The following PRTN3 variants were observed in gnomAD, a reference collection of about 807,000 sequenced individuals.
PRTN3 encodes the protein myeloblastin.
PRTN3 carries 22 observed loss-of-function variants against 20.7 expected under a neutral mutation model. The observed-to-expected ratio is 1.06, with a 90% CI of 0.76 to 1.52. PRTN3 has a LOEUF of 1.52. Ranked by LOEUF, PRTN3 falls within the 40% of genes most tolerant of loss-of-function variation. The pLI is 0.00. For synonymous variants in PRTN3, 173 were observed against 152.9 expected (o/e 1.13, Z -0.97); for missense variants, 378 against 359.6 (o/e 1.05, Z -0.41).
chr19:841,182 C>G, intron 1 of PRTN3, 113 bp downstream of exon 1: 1 of 1,378,576 alleles, frequency 7.3e-7, no homozygotes, highest in Non-Finnish European at 9.9e-7. Flanking sequence ...GAAACTGAGG[C>G]AGGGTCAGGG....
At chr19:843,789 C>A (rs1599282638) in intron 2 of PRTN3, 104 bp from the exon 3 acceptor site, 5 of 1,456,358 alleles carry the variant, frequency 3.4e-6, no homozygotes, top group Non-Finnish European at 4.5e-6. Context: ...GGGGCAGGGT[C>A]GCCGAGGGAG....
intron 4 of PRTN3, 34 bp downstream of exon 4, chr19:846,411 C>A: frequency 6.5e-7 from 1 of 1,539,556 alleles, no homozygotes; most frequent in Non-Finnish European, 8.8e-7. Context: ...GGGCACCGGG[C>A]TGCCATGAGG....
Position 841,021 on chromosome 19 carries a change from C to A in PRTN3, c.13C>A (p.Pro5Thr), listed in dbSNP as rs756575895. 8 of 1,608,494 alleles carry A rather than the reference C, an allele frequency of 5.0e-6. No homozygotes were observed. The highest frequency in any genetic ancestry group is 5.9e-6 in the Non-Finnish European group (7 of 1,179,540). Residue 5 changes from proline to threonine, a missense_variant, in exon 1 of 5, where the codon CCC (proline) becomes ACC (threonine). By Grantham distance (38) the Pro-to-Thr change is conservative (BLOSUM62 -1). Transcript: ENST00000234347. MAHRPPSPALASVLL... is the reference protein window; with the variant it reads MAHRTPSPALASVLL... The stretch of plus-strand genomic sequence containing the variant: ...CCTGGACCCCACCATGGCTCACCGG[C>A]CCCCCAGCCCTGCCCTGGCGTCCGT...
rs1194738515 is a variant in PRTN3, at chr19:843,606, C to T, written c.207C>T (p.Ala69=). 1.9e-6 allele frequency: 3 copies of T among 1,594,866 alleles called. No individual in the cohort carries two copies. Among genetic ancestry groups the T allele is most frequent in the Non-Finnish European group, 2.6e-6 (3 of 1,175,640 alleles). Residue 69 remains alanine (A), a synonymous_variant, in exon 2 of 5, where the codon GCC becomes GCT. Coordinates refer to ENST00000234347, the MANE Select transcript of PRTN3 (RefSeq NM_002777.4). ...TLIHPSFVLT[A]AHCLRDIPQR... ...TCCACCCCAGCTTCGTGCTGACGGC[C>T]GCGCACTGCCTGCGGGACATGTGAG...
intron 1 of PRTN3, 44 bp downstream of exon 1, chr19:841,113 T>G (rs781136914): frequency 6.3e-7 from 1 of 1,591,224 alleles, no homozygotes; most frequent in Non-Finnish European, 8.5e-7. Context: ...CAGGCCCCGG[T>G]GGATTGTGGG....
chr19:841,132 C>T, intron 1 of PRTN3, 63 bp downstream of exon 1: 1 of 1,566,994 alleles, frequency 6.4e-7, no homozygotes, highest in Non-Finnish European at 8.6e-7. Flanking sequence ...GGGAAATATC[C>T]ACCACGAGGT....
At chr19:843,291 GT>G in intron 1 of PRTN3, 169 bp from the exon 2 acceptor site, 1 of 649,962 alleles carries the variant, frequency 1.5e-6, no homozygotes, top group Non-Finnish European at 2.5e-6. Flanking sequence ...GGAAATCGTC[GT>G]AATTATAACC....
At chr19:847,488 GAT>G (rs937693198) in intron 4 of PRTN3, among the ~76,000 whole-genome samples, 4 of 143,710 alleles carry the variant, frequency 2.8e-5, no homozygotes, top group African/African-American at 1.0e-4. Flanking sequence ...GAAAGAAAGA[GAT>G]AGAGAGAGAA....
chr19:843,477 G>A lies in PRTN3; in HGVS notation c.78G>A (p.Ala26=), dbSNP rs1223415681. 7 of 1,574,270 alleles carry A rather than the reference G, an allele frequency of 4.4e-6. No homozygotes were observed. Among genetic ancestry groups the A allele is most frequent in the African/African-American group, 1.3e-5 (1 of 74,186 alleles). The change falls in exon 2 of 5, where the codon GCG becomes GCA. Residue 26 remains alanine (A), a synonymous_variant. Coordinates refer to ENST00000234347, the MANE Select transcript of PRTN3 (RefSeq NM_002777.4). ...ALLLSGAARA[A]EIVGGHEAQP... is the part of the protein sequence containing the mutation. ...CCCCTGCAGGTGCTGCCCGAGCTGCGGAGATCGTGGGCGGGCACGAGGCGC... is the reference window on the plus strand; with the variant it reads ...CCCCTGCAGGTGCTGCCCGAGCTGCAGAGATCGTGGGCGGGCACGAGGCGC...
At chr19:843,352 G>C in intron 1 of PRTN3, 109 bp from the exon 2 acceptor site, 3 of 1,220,874 alleles carry the variant, frequency 2.5e-6, no homozygotes, top group South Asian at 1.6e-5. Context: ...GGCACTGACC[G>C]GGTTGCAGAT....
At position 846,129 on chromosome 19, in the gene PRTN3, G is replaced by T; in HGVS notation, c.370-18G>T. On this transcript the variant is annotated intron_variant, in intron 3 of 4. Transcript: ENST00000234347. ...GACCTGGAAGCAGCGTCTCACCGCC[G>T]CCTGCCTTCTGCCCCAGCTGAGCAG... The T allele has an allele frequency of 7.1e-7, 1 of 1,401,906 alleles. No homozygotes were observed. Among genetic ancestry groups the T allele is most frequent in the East Asian group, 2.9e-5 (1 of 34,862 alleles). The allele number at this position is 1,401,906 out of a possible 1,614,324, so 86.8% of individuals were successfully genotyped here.
In PRTN3 at chr19:843,378, C is replaced by T. The variant is rs1051573633; in HGVS notation, c.62-83C>T. 4 of 1,389,016 alleles carry T rather than the reference C, an allele frequency of 2.9e-6. No individual in the cohort carries two copies. In the Admixed American group the frequency reaches 8.2e-5, roughly 29 times the overall value. 86.0% of individuals were successfully genotyped at this position (1,389,016 alleles called of 1,614,324 possible). On this transcript the variant is annotated intron_variant, in intron 1 of 4. Coordinates refer to ENST00000234347, the MANE Select transcript of PRTN3 (RefSeq NM_002777.4). ...GGTTGCAGATCGGGAGACGGAGGCT[C>T]GGAGAGGCCCAGGGGCTGCTCTGCC...
chr19:848,035 G>A lies in PRTN3; in HGVS notation c.*66G>A. The stretch of plus-strand genomic sequence containing the variant: ...CTCCAAACCCTCGAGGCGGATCTTT[G>A]GACAGAAGCAGCTCTTCCCCGAACA... On this transcript the variant is annotated 3_prime_UTR_variant, in exon 5 of 5. Coordinates refer to ENST00000234347, the MANE Select transcript of PRTN3 (RefSeq NM_002777.4). 3.3e-6 allele frequency: 5 copies of A among 1,516,182 alleles called. No individual in the cohort carries two copies. Among genetic ancestry groups the A allele is most frequent in the Non-Finnish European group, 4.4e-6 (5 of 1,130,398 alleles). The allele number at this position is 1,516,182 out of a possible 1,614,324, so 93.9% of individuals were successfully genotyped here. A position where few individuals can be genotyped will look rare whatever the true frequency, so the allele number is the denominator to read the frequency against.
chr19:841,211 CG>C (rs2145122566), intron 1 of PRTN3, 142 bp downstream of exon 1: 2 of 1,128,732 alleles, frequency 1.8e-6, no homozygotes, highest in East Asian at 5.2e-5. Flanking sequence ...ACTCACTGCT[CG>C]GGACCAACGC....
At chr19:842,615 G>A (rs1212066574) in intron 1 of PRTN3, among the ~76,000 whole-genome samples, 1 of 94,654 alleles carries the variant, frequency 1.1e-5, no homozygotes, top group African/African-American at 5.7e-5. Flanking sequence ...TTGAGACGGA[G>A]TGTCATTCTG....
At position 846,454 on chromosome 19, in the gene PRTN3, C is replaced by T. The variant is rs1205790543; in HGVS notation, c.600+77C>T. On this transcript the variant is annotated intron_variant, in intron 4 of 4. Transcript: ENST00000234347. ...GGCGGCGGCCAGGGTTCCACGCCAC[C>T]TCTTAGCTGTGTGGCTTCATGCTGT... 13 of 1,367,004 alleles carry T rather than the reference C, an allele frequency of 9.5e-6. No individual in the cohort carries two copies. In the East Asian group the frequency reaches 2.8e-4, roughly 30 times the overall value. 84.7% of individuals were successfully genotyped at this position (1,367,004 alleles called of 1,614,324 possible). A position where few individuals can be genotyped will look rare whatever the true frequency, so the allele number is the denominator to read the frequency against.
chr19:843,094 T>C (rs2035465614), intron 1 of PRTN3, among the ~76,000 whole-genome samples: 1 of 151,920 alleles, frequency 6.6e-6, no homozygotes, highest in Admixed American at 6.6e-5. Flanking sequence ...TTAAAATTTT[T>C]TGTAGAGATG....
At chr19:843,743 G>C in intron 2 of PRTN3, 117 bp downstream of exon 2, 7 of 1,454,082 alleles carry the variant, frequency 4.8e-6, no homozygotes, top group Non-Finnish European at 6.3e-6. Context: ...GCAGACCCCA[G>C]GCCCCGCGCG....
rs1202091234 is a variant in PRTN3, at chr19:844,039, G to A, written c.369+5G>A. 1.2e-6 allele frequency: 2 copies of A among 1,600,106 alleles called. No homozygotes were observed. The highest frequency in any genetic ancestry group is 1.1e-5 in the South Asian group (1 of 88,640). On this transcript the variant is annotated splice_donor_5th_base_variant and intron_variant, in intron 3 of 4. Transcript: ENST00000234347. ...AACGACGTTCTCCTCATCCAGGTGG[G>A]CGGGCAGGGCCGCGAGGGCTCGGAG...
Sources: gnomAD v4.1 joint callset for allele counts (sites outside exome capture counted in the v4.1 genomes callset) on GRCh38, gnomAD v4.1.1 for gene constraint, MANE v1.5 for transcripts, NCBI Gene and HGNC (gene_info 2026-07-23, HGNC 2026-07-21) for gene names.